The following ANK3 variants were observed in gnomAD, a reference collection of about 807,000 sequenced individuals.
ANK3 encodes the protein ankyrin-3.
A neutral mutation model predicts 370.9 loss-of-function variants in ANK3; 57 were observed. The ratio of observed to expected loss-of-function variants is 0.15; its 90% CI spans 0.12 to 0.19. The LOEUF (loss-of-function observed/expected upper bound fraction) is 0.19. Among genes scored for constraint, ANK3 ranks in the 10% least tolerant of loss-of-function variants. The pLI, the probability that ANK3 is intolerant of heterozygous loss-of-function variation, is 1.00. For missense variants in ANK3, 4,439 were observed against 5,302.1 expected (o/e 0.84, Z 5.06); for synonymous variants, 1,929 against 1,946.3 (o/e 0.99, Z 0.23).
intron 2 of ANK3, among the ~76,000 whole-genome samples, chr10:60,481,238 C>T (rs761746950): frequency 1.3e-5 from 2 of 152,142 alleles, no homozygotes; most frequent in Non-Finnish European, 2.9e-5. Context: ...TTTCTACGTG[C>T]CTGTGTCCAA....
In ANK3 at chr10:60,345,332, C is replaced by T. The variant is rs138415055; in HGVS notation, c.114+44093G>A. ...TATGTGTGTTTTAATAGTTGGCATG[C>T]CATATCCCTACTTTTGTATTTGCTT... is the stretch of plus-strand genomic sequence containing the variant. On this transcript the variant is annotated intron_variant, in intron 1 of 43. Transcript: ENST00000280772. 8.0e-3 allele frequency among the ~76,000 whole-genome samples: 1,223 copies of T among 152,210 alleles called. 18 individuals are homozygous for T. The highest frequency in any genetic ancestry group is 0.028 in the African/African-American group (1,155 of 41,540).
At chr10:60,289,358 T>C (rs1219445226) in intron 1 of ANK3, among the ~76,000 whole-genome samples, 1 of 151,426 alleles carries the variant, frequency 6.6e-6, no homozygotes, top group Admixed American at 6.6e-5. Flanking sequence ...GCTTCTGGCT[T>C]ATGCCACCCT....
chr10:60,548,586 T>G (rs1455617044), intron 2 of ANK3, among the ~76,000 whole-genome samples: 1 of 152,100 alleles, frequency 6.6e-6, no homozygotes, highest in African/African-American at 2.4e-5. Context: ...AAGTTCAAAA[T>G]AAGGGTTGGG....
In ANK3 at chr10:60,055,810, T is replaced by C; in HGVS notation, c.12913A>G (p.Lys4305Glu). 1 of 1,614,224 alleles carries C rather than the reference T, an allele frequency of 6.2e-7. No homozygotes were observed. The highest frequency in any genetic ancestry group is 8.5e-7 in the Non-Finnish European group (1 of 1,180,028). The part of the protein sequence containing the change: ...EPASPLAAYQ[K>E]SLEETSKLII... ...AGCTTGCTGGTTTCTTCTAGAGATT[T>C]CTGATATGCTGCTAGTGGTGATGCT... The change falls in exon 42 of 44, where the codon AAA (lysine) becomes GAA (glutamate). Residue 4305 changes from lysine to glutamate, a missense_variant. By Grantham distance (56) the Lys-to-Glu change is moderately conservative (BLOSUM62 1). This residue lies in a region of ANK3 where 242 missense variants were observed against 228.0 expected (regional missense o/e 1.06). Transcript: ENST00000280772.
intron 1 of ANK3, among the ~76,000 whole-genome samples, chr10:60,707,138 CTAATCT>C (rs552798504): frequency 6.6e-6 from 1 of 152,246 alleles, no homozygotes; most frequent in South Asian, 2.1e-4. Context: ...CAATCGAACT[CTAATCT>C]TATAGTCAAA....
chr10:60,347,364 G>A (rs1045356879), intron 1 of ANK3, among the ~76,000 whole-genome samples: 3 of 151,620 alleles, frequency 2.0e-5, no homozygotes, highest in East Asian at 2.0e-4. Context: ...AGATAGTAAG[G>A]TTTTCCAATT....
chr10:60,473,030 G>A (rs2065255628), intron 2 of ANK3, among the ~76,000 whole-genome samples: 1 of 152,104 alleles, frequency 6.6e-6, no homozygotes, highest in East Asian at 1.9e-4. Flanking sequence ...ATAAGTAACA[G>A]AACACACACT....
intron 30 of ANK3, 42 bp from the exon 31 acceptor site, chr10:60,085,295 A>G: frequency 1.3e-6 from 2 of 1,486,174 alleles, no homozygotes; most frequent in Non-Finnish European, 1.9e-6. Flanking sequence ...ATCATGGGAG[A>G]TGCTCCTTGT....
intron 2 of ANK3, among the ~76,000 whole-genome samples, chr10:60,505,864 C>T (rs911172893): frequency 1.3e-5 from 2 of 152,030 alleles, no homozygotes; most frequent in African/African-American, 2.4e-5. Context: ...AAATATATTG[C>T]GATCTCAAGC....
intron 23 of ANK3, chr10:60,139,472 A>T (rs1190596847): frequency 1.1e-5 from 2 of 174,686 alleles, no homozygotes; most frequent in Non-Finnish European, 2.4e-5. Context: ...ACAAAATAAG[A>T]ACCACCTCTT....
intron 2 of ANK3, among the ~76,000 whole-genome samples, chr10:60,558,037 A>C (rs2077250066): frequency 6.6e-6 from 1 of 152,182 alleles, no homozygotes; most frequent in Admixed American, 6.5e-5. Context: ...TGAATGGAAG[A>C]CAGCAACTAC....
At chr10:60,701,420 T>C (rs1414248868) in intron 1 of ANK3, among the ~76,000 whole-genome samples, 1 of 148,576 alleles carries the variant, frequency 6.7e-6, no homozygotes, top group East Asian at 2.0e-4. Flanking sequence ...AAAAAAAACA[T>C]GAAAAGATAC....
rs201398340 is a variant in ANK3 at position 60,070,484 on chromosome 10, A to T, written c.10397T>A (p.Val3466Asp). The change falls in exon 37 of 44, where the codon GTT becomes GAT. Residue 3466 changes from valine (V) to aspartate (D), a missense_variant. Transcript: ENST00000280772. The surrounding 1 kb of genome is among the most constrained non-coding windows in gnomAD (Gnocchi z 5.7). ...TCCCACCTTTCCCTCCTCCTCGATA[A>T]CTTCAAGTTTACTTTGGCTAAAAGA... ...DRSFSQSKLE[V>D]IEEEGKVGPD... 135 of 1,613,918 alleles carry T rather than the reference A, an allele frequency of 8.4e-5. No homozygotes were observed. The highest frequency in any genetic ancestry group is 1.1e-4 in the Non-Finnish European group (131 of 1,180,016).
At chr10:60,201,211 C>T (rs544102539) in intron 12 of ANK3, among the ~76,000 whole-genome samples, 152 of 152,266 alleles carry the variant, frequency 1.0e-3, no homozygotes, top group Admixed American at 1.9e-3. Flanking sequence ...GTTCCCTTTA[C>T]GAATGAAAAC....
Position 60,080,629 on chromosome 10 carries a change from A to C in ANK3, c.4351-11T>G. The stretch of plus-strand genomic sequence containing the variant: ...ATCTGTTTTCTCAATCTGAAAAGGA[A>C]AAAAAAAAAGACAACTCTATTTCCA... On this transcript the variant is annotated splice_polypyrimidine_tract_variant and intron_variant, in intron 35 of 43. Transcript: ENST00000280772. The C allele has an allele frequency of 2.6e-6, 4 of 1,532,156 alleles. No homozygotes were observed. Among genetic ancestry groups the C allele is most frequent in the Non-Finnish European group, 3.5e-6 (4 of 1,139,960 alleles). 94.9% of individuals were successfully genotyped at this position (1,532,156 alleles called of 1,614,324 possible).
chr10:60,140,885 G>T, intron 23 of ANK3: 1 of 986,304 alleles, frequency 1.0e-6, no homozygotes, highest in Non-Finnish European at 1.2e-6. Flanking sequence ...TAATTAGGAG[G>T]TGATTCTTCT....
intron 1 of ANK3, among the ~76,000 whole-genome samples, chr10:60,673,869 G>C (rs1207845352): frequency 6.6e-6 from 1 of 152,108 alleles, no homozygotes; most frequent in Non-Finnish European, 1.5e-5. Flanking sequence ...TTAGAAGCAT[G>C]AGTTGAAATC....
chr10:60,731,161 C>T (rs1471507827), intron 1 of ANK3, among the ~76,000 whole-genome samples: 2 of 152,114 alleles, frequency 1.3e-5, no homozygotes, highest in East Asian at 3.9e-4. Flanking sequence ...ATATTCTTCT[C>T]AGTTATCAAC....
At chr10:60,456,191 C>T (rs1303545798) in intron 2 of ANK3, among the ~76,000 whole-genome samples, 1 of 152,132 alleles carries the variant, frequency 6.6e-6, no homozygotes, top group Non-Finnish European at 1.5e-5. Flanking sequence ...TGCATCTAAC[C>T]AGGGAAGTAA....
Sources: allele counts gnomAD v4.1 joint callset (sites outside exome capture counted in the v4.1 genomes callset), GRCh38; gene constraint gnomAD v4.1.1; regional missense constraint gnomAD v4.1.1; non-coding constraint Gnocchi (gnomAD v3.1); transcripts MANE v1.5; gene names NCBI Gene and HGNC (gene_info 2026-07-23, HGNC 2026-07-21).